The following NKAIN2 variants were observed in gnomAD, a reference collection of about 807,000 sequenced individuals.
The protein encoded by NKAIN2 is sodium/potassium-transporting ATPase subunit beta-1-interacting protein 2.
In NKAIN2, 14 loss-of-function variants were observed where a neutral mutation model predicts 32.6. The ratio of observed to expected loss-of-function variants is 0.43; its 90% CI spans 0.28 to 0.67. The LOEUF is 0.67. Among genes scored for constraint, NKAIN2 ranks in the 30% least tolerant of loss-of-function variants. NKAIN2 has a pLI of 0.17. For missense variants in NKAIN2, 198 were observed against 258.3 expected (o/e 0.77, Z 1.60); for synonymous variants, 80 against 87.2 (o/e 0.92, Z 0.46).
intron 3 of NKAIN2, chr6:124,490,421 T>TG (rs1777819079): frequency 2.4e-6 from 1 of 414,426 alleles, no homozygotes; most frequent in African/African-American, 2.1e-5. Flanking sequence ...GGTTTTTTTT[T>TG]TTTTTTTTTA....
intron 1 of NKAIN2, among the ~76,000 whole-genome samples, chr6:124,119,466 A>G (rs1417802585): frequency 6.6e-6 from 1 of 152,202 alleles, no homozygotes; most frequent in East Asian, 1.9e-4. Flanking sequence ...CAGGGTTGCT[A>G]TAAGGCAAAA....
intron 4 of NKAIN2, among the ~76,000 whole-genome samples, chr6:124,701,715 C>T (rs976769804): frequency 7.4e-6 from 1 of 135,128 alleles, no homozygotes; most frequent in African/African-American, 2.8e-5. Flanking sequence ...TTCTTTGTGT[C>T]ATTATCAAAG....
At chr6:123,854,202 A>G (rs889302825) in intron 1 of NKAIN2, among the ~76,000 whole-genome samples, 3 of 152,196 alleles carry the variant, frequency 2.0e-5, no homozygotes, top group Non-Finnish European at 4.4e-5. Context: ...TTTGAAATAT[A>G]CTTTGTTATG....
chr6:124,316,311 CATAA>C (rs1796948371), intron 2 of NKAIN2, among the ~76,000 whole-genome samples: 1 of 152,012 alleles, frequency 6.6e-6, no homozygotes, highest in Admixed American at 6.6e-5. Flanking sequence ...TCAACATAGT[CATAA>C]ATACTCATTA....
At chr6:123,967,666 G>A (rs1468946819) in intron 1 of NKAIN2, among the ~76,000 whole-genome samples, 4 of 151,882 alleles carry the variant, frequency 2.6e-5, no homozygotes, top group Non-Finnish European at 5.9e-5. Flanking sequence ...AATGTGAACT[G>A]ACACATTATG....
At chr6:124,788,647 A>G (rs989839564) in intron 4 of NKAIN2, among the ~76,000 whole-genome samples, 1 of 152,032 alleles carries the variant, frequency 6.6e-6, no homozygotes, top group African/African-American at 2.4e-5. Context: ...CTCACACACT[A>G]TCATGAGAAC....
chr6:124,184,501 T>G (rs975179350), intron 1 of NKAIN2, among the ~76,000 whole-genome samples: 3 of 152,150 alleles, frequency 2.0e-5, no homozygotes, highest in Non-Finnish European at 4.4e-5. Context: ...AAGAGTCCCT[T>G]AATATCTTGG....
At chr6:124,275,575 ATTC>A (rs1252930591) in intron 1 of NKAIN2, among the ~76,000 whole-genome samples, 2 of 152,140 alleles carry the variant, frequency 1.3e-5, no homozygotes, top group Non-Finnish European at 2.9e-5. Flanking sequence ...TTTGAAGCCT[ATTC>A]TTTTACCATA....
intron 3 of NKAIN2, among the ~76,000 whole-genome samples, chr6:124,589,984 C>G (rs1781849648): frequency 6.6e-6 from 1 of 152,150 alleles, no homozygotes; most frequent in African/African-American, 2.4e-5. Context: ...CAGCAAAATT[C>G]TTTTGCTGTT....
chr6:124,640,398 G>A (rs1783940441), intron 3 of NKAIN2, among the ~76,000 whole-genome samples: 1 of 152,172 alleles, frequency 6.6e-6, no homozygotes, highest in South Asian at 2.1e-4. Flanking sequence ...TTAAATGGCA[G>A]TAATATCTCT....
chr6:124,482,896 A>C (rs898944692), intron 3 of NKAIN2, among the ~76,000 whole-genome samples: 2 of 152,210 alleles, frequency 1.3e-5, no homozygotes, highest in African/African-American at 4.8e-5. Context: ...GCACTTCGGG[A>C]GGCCGAGGCG....
At chr6:124,321,294 T>A (rs1797176992) in intron 2 of NKAIN2, among the ~76,000 whole-genome samples, 1 of 151,968 alleles carries the variant, frequency 6.6e-6, no homozygotes, top group Admixed American at 6.6e-5. Flanking sequence ...TAGCAGTGCT[T>A]AAGCATCACA....
intron 1 of NKAIN2, among the ~76,000 whole-genome samples, chr6:124,025,891 C>A (rs1192027377): frequency 6.6e-6 from 1 of 152,160 alleles, no homozygotes; most frequent in Non-Finnish European, 1.5e-5. Context: ...CTTCTCCTGC[C>A]TTTCTCCCCT....
chr6:123,876,482 G>A (rs1030282351), intron 1 of NKAIN2, among the ~76,000 whole-genome samples: 2 of 152,048 alleles, frequency 1.3e-5, no homozygotes, highest in Non-Finnish European at 2.9e-5. Flanking sequence ...TTTTATAAAG[G>A]ATTTGCTCAC....
At chr6:123,988,003 T>G (rs1209336006) in intron 1 of NKAIN2, among the ~76,000 whole-genome samples, 1 of 152,200 alleles carries the variant, frequency 6.6e-6, no homozygotes, top group Non-Finnish European at 1.5e-5. Flanking sequence ...ATGGACTATA[T>G]GTCAGATGTT....
At chr6:124,753,647 G>A (rs770725458) in intron 4 of NKAIN2, among the ~76,000 whole-genome samples, 1 of 152,066 alleles carries the variant, frequency 6.6e-6, no homozygotes, top group Non-Finnish European at 1.5e-5. Context: ...AGATGGCCAC[G>A]ATTGCTCCTG....
At chr6:124,673,088 C>T (rs1258234044) in intron 4 of NKAIN2, among the ~76,000 whole-genome samples, 2 of 152,068 alleles carry the variant, frequency 1.3e-5, no homozygotes, top group African/African-American at 4.8e-5. Flanking sequence ...ATACTCTCTG[C>T]TTCTGTGAGT....
chr6:124,759,646 CACACA>C (rs1778155598), intron 4 of NKAIN2, among the ~76,000 whole-genome samples: 1 of 109,516 alleles, frequency 9.1e-6, no homozygotes. Flanking sequence ...CACACACACA[CACACA>C]CACACCCCCT....
At chr6:124,469,144 T>C (rs1776876751) in intron 3 of NKAIN2, among the ~76,000 whole-genome samples, 1 of 152,194 alleles carries the variant, frequency 6.6e-6, no homozygotes, top group African/African-American at 2.4e-5. Context: ...TCTGAATAAC[T>C]TGATTGAATC....
Sources: allele counts gnomAD v4.1 joint callset (sites outside exome capture counted in the v4.1 genomes callset), GRCh38; gene constraint gnomAD v4.1.1; transcripts MANE v1.5; gene names NCBI Gene and HGNC (gene_info 2026-07-23, HGNC 2026-07-21).